The following FAM135B variants were observed in gnomAD, a reference collection of about 807,000 sequenced individuals.
FAM135B encodes family with sequence similarity 135 member B, also known as protein FAM135B.
A neutral mutation model predicts 127.7 loss-of-function variants in FAM135B; 43 were observed. That is an observed-to-expected ratio of 0.34 (90% CI 0.26 to 0.43). FAM135B has a LOEUF of 0.43. FAM135B is among the 20% of genes least tolerant of loss of function. The pLI is 1.00. For missense variants in FAM135B, 1,558 were observed against 1,725.6 expected, an observed-to-expected ratio of 0.90 and a Z score of 1.72; for synonymous variants, 670 against 665.1, an observed-to-expected ratio of 1.01 and a Z score of -0.11.
chr8:138,151,824 C>T lies in FAM135B; in HGVS notation c.2651G>A (p.Arg884His), dbSNP rs143605493. 1.8e-4 allele frequency: 296 copies of T among 1,614,108 alleles called. No individual in the cohort carries two copies. The highest frequency in any genetic ancestry group is 1.1e-3 in the Admixed American group (64 of 60,022). ...CCTGGGGTTTTCAAGTGCTATGACG[C>T]GTGGTATTTTTAAATTAAGACCTTT... ...ETKGLNLKIP[R>H]VIALENPRTR... is the part of the protein sequence containing the mutation. The change falls in exon 13 of 20, where the codon CGC (arginine) becomes CAC (histidine). Residue 884 changes from arginine to histidine, a missense_variant. By Grantham distance (29) the Arg-to-His change is conservative (BLOSUM62 0). Transcript: ENST00000395297.
chr8:138,406,761 G>C (rs181940688), intron 1 of FAM135B, among the ~76,000 whole-genome samples: 2 of 150,736 alleles, frequency 1.3e-5, no homozygotes, highest in Non-Finnish European at 3.0e-5. Context: ...GACGTATCTC[G>C]AAATAATCAG....
At chr8:138,433,429 A>C (rs1340861865) in intron 1 of FAM135B, among the ~76,000 whole-genome samples, 1 of 151,838 alleles carries the variant, frequency 6.6e-6, no homozygotes, top group Non-Finnish European at 1.5e-5. Context: ...GGCTTGAGGC[A>C]AGAGGATCAA....
chr8:138,291,947 G>A (rs1283437447), intron 3 of FAM135B, among the ~76,000 whole-genome samples: 1 of 152,022 alleles, frequency 6.6e-6, no homozygotes, highest in Non-Finnish European at 1.5e-5. Flanking sequence ...AAGATGAAAA[G>A]GGCCTCCGTA....
chr8:138,172,086 G>A (rs1416726556), intron 11 of FAM135B, among the ~76,000 whole-genome samples: 1 of 152,198 alleles, frequency 6.6e-6, no homozygotes, highest in Non-Finnish European at 1.5e-5. Flanking sequence ...GCTGAGAAAG[G>A]TCAATTTAAA....
chr8:138,410,045 A>G (rs1157160710), intron 1 of FAM135B, among the ~76,000 whole-genome samples: 1 of 152,176 alleles, frequency 6.6e-6, no homozygotes, highest in Non-Finnish European at 1.5e-5. Context: ...AGACACTGTC[A>G]ATATTTTATA....
intron 2 of FAM135B, among the ~76,000 whole-genome samples, chr8:138,321,879 G>A (rs1419989916): frequency 6.6e-6 from 1 of 152,188 alleles, no homozygotes; most frequent in Non-Finnish European, 1.5e-5. Flanking sequence ...AGGTCCCTGT[G>A]AAGAGGAGTG....
At chr8:138,482,933 C>T (rs1814842870) in intron 1 of FAM135B, among the ~76,000 whole-genome samples, 1 of 152,152 alleles carries the variant, frequency 6.6e-6, no homozygotes, top group Non-Finnish European at 1.5e-5. Context: ...TGCACCCATC[C>T]ATCCATCTAC....
chr8:138,439,075 G>A (rs374505963), intron 1 of FAM135B: 9 of 152,220 alleles, frequency 5.9e-5, no homozygotes, highest in Admixed American at 3.9e-4. Context: ...AAAACACAGA[G>A]CTCAATTAAC....
intron 2 of FAM135B, among the ~76,000 whole-genome samples, chr8:138,360,270 C>G (rs949518826): frequency 2.0e-5 from 3 of 152,146 alleles, no homozygotes; most frequent in African/African-American, 7.2e-5. Context: ...GGTTCATGCT[C>G]TTGTAAATAG....
intron 12 of FAM135B, among the ~76,000 whole-genome samples, chr8:138,159,941 T>C (rs887530194): frequency 6.6e-6 from 1 of 152,122 alleles, no homozygotes; most frequent in Admixed American, 6.5e-5. Context: ...AGGATAGAGG[T>C]TGGCCATGCT....
At chr8:138,466,055 C>A (rs1837364826) in intron 1 of FAM135B, among the ~76,000 whole-genome samples, 1 of 152,198 alleles carries the variant, frequency 6.6e-6, no homozygotes, top group Admixed American at 6.5e-5. Context: ...GGATTACAGG[C>A]ATGAGCCACT....
In FAM135B at chr8:138,152,467, A is replaced by G. The variant is rs1329804711; in HGVS notation, c.2008T>C (p.Ser670Pro). Residue 670 changes from serine to proline, a missense_variant, in exon 13 of 20, where the codon TCA becomes CCA. By Grantham distance (74) the Ser-to-Pro change is moderately conservative (BLOSUM62 -1). Transcript: ENST00000395297. ...DSHTEEQEELSVLSGVIKRSS... is the reference protein window; with the variant it reads ...DSHTEEQEELPVLSGVIKRSS... ...CTCTTGATGACCCCGGATAGCACTG[A>G]GAGTTCCTCCTGCTCTTCTGTGTGA... 1 of 1,614,028 alleles carries G rather than the reference A, an allele frequency of 6.2e-7. No individual in the cohort carries two copies. Among genetic ancestry groups the G allele is most frequent in the African/African-American group, 1.3e-5 (1 of 74,916 alleles).
chr8:138,489,548 T>C (rs1231485382), intron 1 of FAM135B, among the ~76,000 whole-genome samples: 1 of 152,220 alleles, frequency 6.6e-6, no homozygotes, highest in African/African-American at 2.4e-5. Context: ...GAATGGACCA[T>C]TCCAAAATGC....
intron 1 of FAM135B, among the ~76,000 whole-genome samples, chr8:138,424,983 C>A (rs918523741): frequency 1.3e-5 from 2 of 152,286 alleles, no homozygotes; most frequent in Middle Eastern, 3.4e-3. Flanking sequence ...GCTCAATGAG[C>A]CAGCCAACTC....
At chr8:138,170,343 C>T (rs1326274001) in intron 11 of FAM135B, among the ~76,000 whole-genome samples, 1 of 151,588 alleles carries the variant, frequency 6.6e-6, no homozygotes, top group Non-Finnish European at 1.5e-5. Context: ...CTGCCTCAGG[C>T]TCCCAAGTAG....
intron 4 of FAM135B, among the ~76,000 whole-genome samples, chr8:138,263,690 TAG>T (rs1371512697): frequency 6.6e-6 from 1 of 152,156 alleles, no homozygotes; most frequent in African/African-American, 2.4e-5. Flanking sequence ...GGACATGATA[TAG>T]AGAGTCAAGG....
At chr8:138,410,154 T>C (rs6577922) in intron 1 of FAM135B, among the ~76,000 whole-genome samples, 60,722 of 151,970 alleles carry the variant, frequency 0.4, 12,609 homozygotes, top group African/African-American at 0.52. Context: ...TTTTTCTAAG[T>C]GGGGCTTACA....
At chr8:138,145,865 C>T in intron 15 of FAM135B, 94 bp downstream of exon 15, 1 of 702,856 alleles carries the variant, frequency 1.4e-6, no homozygotes, top group Admixed American at 2.3e-5. Context: ...CTCCTCCTAT[C>T]TGTGTGTGTC....
At chr8:138,162,075 G>A (rs1049475873) in intron 12 of FAM135B, among the ~76,000 whole-genome samples, 2 of 152,164 alleles carry the variant, frequency 1.3e-5, no homozygotes, top group African/African-American at 2.4e-5. Context: ...ACAGTACTTT[G>A]ACATATTCTA....
Sources: gnomAD v4.1 joint callset for allele counts (sites outside exome capture counted in the v4.1 genomes callset) on GRCh38, gnomAD v4.1.1 for gene constraint, MANE v1.5 for transcripts, NCBI Gene and HGNC (gene_info 2026-07-23, HGNC 2026-07-21) for gene names.